Variants in DIPK1A observed in about 807,000 individuals in gnomAD.
DIPK1A encodes the protein divergent protein kinase domain 1A.
In DIPK1A, 27 loss-of-function variants were observed where a neutral mutation model predicts 40.8. That is an observed-to-expected ratio of 0.66 (90% CI 0.49 to 0.91). DIPK1A has a LOEUF of 0.91. Ranked by LOEUF, DIPK1A falls within the 40% of genes least tolerant of loss-of-function variation. The pLI, the probability that DIPK1A is intolerant of heterozygous loss-of-function variation, is 0.00. For missense variants in DIPK1A, 412 were observed against 505.7 expected, an observed-to-expected ratio of 0.81 and a Z score of 1.78; for synonymous variants, 166 against 171.3, an observed-to-expected ratio of 0.97 and a Z score of 0.24.
chr1:92,933,084 C>T (rs1266989094), intron 1 of DIPK1A: 1 of 151,722 alleles, frequency 6.6e-6, no homozygotes, highest in Non-Finnish European at 1.5e-5. Context: ...TTTTAAATTG[C>T]TCTAAAAATT....
intron 1 of DIPK1A, among the ~76,000 whole-genome samples, chr1:92,879,412 A>G (rs1240318468): frequency 6.6e-6 from 1 of 152,162 alleles, no homozygotes; most frequent in African/African-American, 2.4e-5. Context: ...ACGTTTTTCT[A>G]CTTCCTCTGG....
chr1:92,926,454 C>CTAT (rs1229717953), intron 1 of DIPK1A, among the ~76,000 whole-genome samples: 2 of 152,090 alleles, frequency 1.3e-5, no homozygotes, highest in Non-Finnish European at 2.9e-5. Flanking sequence ...GGTAAAAGTT[C>CTAT]CATGGTACCT....
At chr1:92,882,351 G>T (rs2100786567) in intron 1 of DIPK1A, among the ~76,000 whole-genome samples, 1 of 152,318 alleles carries the variant, frequency 6.6e-6, no homozygotes, top group Middle Eastern at 3.4e-3. Flanking sequence ...TCGTGCCATT[G>T]CACTCCAGCC....
At chr1:92,834,446 C>G (rs1019334820) in intron 4 of DIPK1A, among the ~76,000 whole-genome samples, 7 of 152,146 alleles carry the variant, frequency 4.6e-5, no homozygotes, top group African/African-American at 1.7e-4. Context: ...TATTTTGCAG[C>G]AGGTAGGCAC....
chr1:92,955,837 T>G (rs949495218), intron 1 of DIPK1A, among the ~76,000 whole-genome samples: 1 of 152,016 alleles, frequency 6.6e-6, no homozygotes, highest in Non-Finnish European at 1.5e-5. Context: ...GCCCAAGAAT[T>G]CAAGACCAGC....
At chr1:92,845,124 T>C (rs948549359) in intron 4 of DIPK1A, among the ~76,000 whole-genome samples, 1 of 151,396 alleles carries the variant, frequency 6.6e-6, no homozygotes, top group Non-Finnish European at 1.5e-5. Context: ...TTTTTTTGTA[T>C]TTTTAGTAGA....
intron 1 of DIPK1A, among the ~76,000 whole-genome samples, chr1:92,888,430 C>T (rs1648709187): frequency 6.6e-6 from 1 of 152,124 alleles, no homozygotes. Flanking sequence ...CTTTATTCAT[C>T]TGTTGATGAA....
chr1:92,886,399 T>C (rs965651228), intron 1 of DIPK1A, among the ~76,000 whole-genome samples: 1 of 152,018 alleles, frequency 6.6e-6, no homozygotes, highest in Non-Finnish European at 1.5e-5. Flanking sequence ...TTACCCAGGG[T>C]GGTCTCCAAT....
intron 1 of DIPK1A, chr1:92,930,766 C>T (rs1267833587): frequency 6.6e-6 from 1 of 152,140 alleles, no homozygotes; most frequent in Non-Finnish European, 1.5e-5. Flanking sequence ...GTGCCCATGC[C>T]CTCACACACA....
In DIPK1A at chr1:92,850,874, AT is replaced by A; in HGVS notation, c.270del (p.Lys90AsnfsTer13). 6.4e-7 allele frequency: 1 copy of A among 1,567,086 alleles called. No homozygotes were observed. Among genetic ancestry groups the A allele is most frequent in the Admixed American group, 1.9e-5 (1 of 52,980 alleles). On this transcript the variant is annotated frameshift_variant, in exon 3 of 5. Coordinates refer to ENST00000370310, the MANE Select transcript of DIPK1A (RefSeq NM_001006605.5). LOFTEE classifies it high-confidence loss of function. ...TGATTGTTGGGCTTGGTGGATAAAC[AT>A]TTTCCAAAGTAAAGAGTTTCTGTAA... ...LCVTETLYFGKCLSTKPNNQM... is the reference protein window; with the variant it reads ...LCVTETLYFGXCLSTKPNNQM...
intron 1 of DIPK1A, among the ~76,000 whole-genome samples, chr1:92,948,606 CAT>C (rs554606238): frequency 1.0e-5 from 1 of 96,230 alleles, no homozygotes; most frequent in African/African-American, 3.7e-5. Context: ...ACTTCATATT[CAT>C]ATATATATAT....
At position 92,858,608 on chromosome 1, in the gene DIPK1A, A is replaced by G. The variant is rs1013240700; in HGVS notation, c.190-7653T>C. Among the ~76,000 whole-genome samples, 6 of 152,144 alleles carry G rather than the reference A, an allele frequency of 3.9e-5. No individual in the cohort carries two copies. The East Asian group carries it at 1.2e-3, about 29-fold the overall frequency. ...TTTTAAAGCACAAACCAGGTAGCTC[A>G]TTAGTAAACTTATTGGGAAGCAGTA... is the stretch of plus-strand genomic sequence containing the variant. On this transcript the variant is annotated intron_variant, in intron 2 of 4. Coordinates refer to ENST00000370310, the MANE Select transcript of DIPK1A (RefSeq NM_001006605.5).
At chr1:92,892,304 G>A (rs1648928671) in intron 1 of DIPK1A, among the ~76,000 whole-genome samples, 1 of 152,054 alleles carries the variant, frequency 6.6e-6, no homozygotes, top group African/African-American at 2.4e-5. Context: ...ACTCCTCTGA[G>A]ACAAAACTTC....
At chr1:92,951,227 G>A (rs1483192146) in intron 1 of DIPK1A, among the ~76,000 whole-genome samples, 1 of 152,178 alleles carries the variant, frequency 6.6e-6, no homozygotes, top group Non-Finnish European at 1.5e-5. Context: ...AGAGAGATGT[G>A]AAACAAAGGA....
At chr1:92,848,739 G>T (rs1015336619) in intron 3 of DIPK1A, among the ~76,000 whole-genome samples, 1 of 152,088 alleles carries the variant, frequency 6.6e-6, no homozygotes, top group Admixed American at 6.5e-5. Context: ...GGCTTTATCT[G>T]TCTCCCTCAG....
At chr1:92,895,235 C>T (rs1263339050) in intron 1 of DIPK1A, among the ~76,000 whole-genome samples, 8 of 151,990 alleles carry the variant, frequency 5.3e-5, no homozygotes, top group African/African-American at 1.9e-4. Context: ...CCCTGATGAA[C>T]ATCGATGCAA....
intron 1 of DIPK1A, among the ~76,000 whole-genome samples, chr1:92,894,910 T>C (rs865894362): frequency 6.6e-6 from 1 of 152,018 alleles, no homozygotes; most frequent in African/African-American, 2.4e-5. Flanking sequence ...CTGGAAGAAA[T>C]GGATAAATTC....
intron 4 of DIPK1A, among the ~76,000 whole-genome samples, chr1:92,846,359 A>G (rs192853760): frequency 4.6e-5 from 7 of 152,286 alleles, no homozygotes; most frequent in Admixed American, 4.6e-4. Context: ...CTATAGTGCT[A>G]TAGAACACTA....
At chr1:92,939,684 T>A (rs1651078643) in intron 1 of DIPK1A, among the ~76,000 whole-genome samples, 2 of 152,180 alleles carry the variant, frequency 1.3e-5, no homozygotes. Flanking sequence ...CTGGAAGCAG[T>A]AGCTCATGCT....
Sources: allele counts gnomAD v4.1 joint callset (sites outside exome capture counted in the v4.1 genomes callset), GRCh38; gene constraint gnomAD v4.1.1; transcripts MANE v1.5; gene names NCBI Gene and HGNC (gene_info 2026-07-23, HGNC 2026-07-21).